QTMAN: variants seen among roughly 807,000 people sequenced by gnomAD.
The protein encoded by QTMAN is tRNA-queuosine alpha-mannosyltransferase.
chr2:144,171,601 G>T, the QTMAN span, among the ~76,000 whole-genome samples: 1 of 152,122 alleles, frequency 6.6e-6, no homozygotes, highest in Non-Finnish European at 1.5e-5. Context: ...GGGTTGATAA[G>T]AGTCAATGAA....
At chr2:144,157,362 A>G in the QTMAN span, among the ~76,000 whole-genome samples, 1 of 152,110 alleles carries the variant, frequency 6.6e-6, no homozygotes, top group Middle Eastern at 3.4e-3. Context: ...AGATCACATA[A>G]TGGCAGTCAA....
At chr2:144,210,988 T>C in the QTMAN span, 1 of 152,144 alleles carries the variant, frequency 6.6e-6, no homozygotes, top group Admixed American at 6.5e-5. Flanking sequence ...TATAAACCAC[T>C]CTAAAGAATA....
chr2:144,250,181 G>T, the QTMAN span, among the ~76,000 whole-genome samples: 2 of 151,314 alleles, frequency 1.3e-5, no homozygotes, highest in South Asian at 4.2e-4. Flanking sequence ...TGTCGCCCAG[G>T]CTGGAGTGGA....
chr2:144,239,807 A>G, the QTMAN span, among the ~76,000 whole-genome samples: 1 of 152,288 alleles, frequency 6.6e-6, no homozygotes, highest in Admixed American at 6.5e-5. Context: ...ATCTTCTGGG[A>G]CCCAATTCAT....
At chr2:144,296,208 A>C in the QTMAN span, among the ~76,000 whole-genome samples, 6 of 152,216 alleles carry the variant, frequency 3.9e-5, no homozygotes, top group Non-Finnish European at 8.8e-5. Context: ...CAAGATAGGA[A>C]TAATTTGTGT....
the QTMAN span, among the ~76,000 whole-genome samples, chr2:144,250,659 C>G: frequency 6.7e-6 from 1 of 149,002 alleles, no homozygotes; most frequent in Non-Finnish European, 1.5e-5. Flanking sequence ...ATACTAACCT[C>G]TTAGTGAGAT....
the QTMAN span, chr2:143,945,749 T>C: frequency 1.3e-5 from 2 of 152,232 alleles, no homozygotes; most frequent in African/African-American, 4.8e-5. Flanking sequence ...TTTCAAAAGC[T>C]AGGGAAAGTT....
At chr2:144,041,242 T>C in the QTMAN span, among the ~76,000 whole-genome samples, 316 of 152,282 alleles carry the variant, frequency 2.1e-3, 4 homozygotes, top group African/African-American at 7.3e-3. Flanking sequence ...AATAACAACA[T>C]CTTGGGTCAC....
chr2:144,000,234 T>C, the QTMAN span, among the ~76,000 whole-genome samples: 2 of 152,070 alleles, frequency 1.3e-5, no homozygotes, highest in Non-Finnish European at 2.9e-5. Flanking sequence ...CTGTAAGTCA[T>C]ATAGCACATG....
At chr2:144,331,305 G>A in the QTMAN span, among the ~76,000 whole-genome samples, 1 of 152,230 alleles carries the variant, frequency 6.6e-6, no homozygotes, top group African/African-American at 2.4e-5. Flanking sequence ...GGTTAAACAC[G>A]TTAATAGAAG....
chr2:143,945,037 C>T, the QTMAN span: 2 of 151,170 alleles, frequency 1.3e-5, no homozygotes, highest in Non-Finnish European at 1.5e-5. Flanking sequence ...ACACAGTAAA[C>T]GAAGCGCTAT....
chr2:143,945,762 A>G, the QTMAN span: 1 of 152,228 alleles, frequency 6.6e-6, no homozygotes. Context: ...GGAAAGTTAC[A>G]ATTTACCTGT....
At chr2:144,056,438 T>C in the QTMAN span, among the ~76,000 whole-genome samples, 1 of 152,240 alleles carries the variant, frequency 6.6e-6, no homozygotes, top group South Asian at 2.1e-4. Context: ...CGAGCCCCTC[T>C]CTTGCTTCAT....
At chr2:144,109,176 G>A in the QTMAN span, among the ~76,000 whole-genome samples, 1 of 152,172 alleles carries the variant, frequency 6.6e-6, no homozygotes, top group Non-Finnish European at 1.5e-5. Flanking sequence ...AAAACAGCAT[G>A]GTACTGGTAC....
At chr2:144,290,316 C>G in the QTMAN span, among the ~76,000 whole-genome samples, 1 of 152,110 alleles carries the variant, frequency 6.6e-6, no homozygotes, top group Non-Finnish European at 1.5e-5. Flanking sequence ...GTCATAATAT[C>G]CCAATGTTCT....
the QTMAN span, among the ~76,000 whole-genome samples, chr2:144,300,229 T>A: frequency 6.6e-6 from 1 of 152,242 alleles, no homozygotes; most frequent in African/African-American, 2.4e-5. Context: ...GCCACTGACC[T>A]ATACACTTAA....
At chr2:144,089,297 G>A in the QTMAN span, among the ~76,000 whole-genome samples, 26 of 151,878 alleles carry the variant, frequency 1.7e-4, no homozygotes, top group Admixed American at 1.2e-3. Flanking sequence ...AAAAATAAGT[G>A]AAGTTGGCAA....
the QTMAN span, among the ~76,000 whole-genome samples, chr2:144,154,392 C>T: frequency 1.3e-5 from 2 of 152,032 alleles, no homozygotes; most frequent in South Asian, 2.1e-4. Context: ...AAGAAATGTC[C>T]GGCTTGGTTA....
chr2:144,259,790 T>C, the QTMAN span, among the ~76,000 whole-genome samples: 2 of 151,818 alleles, frequency 1.3e-5, no homozygotes, highest in Non-Finnish European at 2.9e-5. Flanking sequence ...AAGTGGTATT[T>C]ATTTGGGAGC....
Sources: gnomAD v4.1 joint callset for allele counts (sites outside exome capture counted in the v4.1 genomes callset) on GRCh38, gnomAD v4.1.1 for gene constraint, MANE v1.5 for transcripts, NCBI Gene and HGNC (gene_info 2026-07-23, HGNC 2026-07-21) for gene names.